Variants in MAP4 observed in about 807,000 individuals in gnomAD.
MAP4 encodes the protein microtubule-associated protein 4.
MAP4 carries 76 observed loss-of-function variants against 170.2 expected under a neutral mutation model. The observed-to-expected ratio is 0.45, with a 90% CI of 0.37 to 0.54. The LOEUF (loss-of-function observed/expected upper bound fraction) is 0.54, where lower values mean the gene tolerates loss of function less well. Among genes scored for constraint, MAP4 ranks in the 20% least tolerant of loss-of-function variants. The pLI is 0.00. For missense variants in MAP4, 2,506 were observed against 2,748.0 expected (o/e 0.91, Z 1.97); for synonymous variants, 909 against 994.5 (o/e 0.91, Z 1.62).
intron 2 of MAP4, among the ~76,000 whole-genome samples, chr3:47,979,313 C>A (rs998939431): frequency 6.6e-6 from 1 of 151,990 alleles, no homozygotes; most frequent in Non-Finnish European, 1.5e-5. Context: ...AAAAAGTCAT[C>A]TGCATTCTAT....
chr3:47,998,867 C>T lies in MAP4; in HGVS notation c.-7G>A, dbSNP rs1253623406. ...CAAGACTGAGGTCAGCCATTCTGCA[C>T]CACTGCAACTGCCTGGTGAAGAGGA... On this transcript the variant is annotated 5_prime_UTR_variant, in exon 2 of 21. In the 5' UTR this introduces an upstream ATG that the reference lacks. Coordinates refer to ENST00000683076, the MANE Select transcript of MAP4 (RefSeq NM_001385682.1). 1 of 1,594,200 alleles carries T rather than the reference C, an allele frequency of 6.3e-7. No homozygotes were observed. Among genetic ancestry groups the T allele is most frequent in the Admixed American group, 1.7e-5 (1 of 59,994 alleles).
intron 9 of MAP4, among the ~76,000 whole-genome samples, chr3:47,907,331 G>A (rs910908198): frequency 7.2e-5 from 11 of 152,118 alleles, no homozygotes; most frequent in African/African-American, 9.7e-5. Context: ...GCTGGAAGGC[G>A]GTTAATGGAG....
chr3:48,018,319 G>A (rs576801891), upstream of MAP4, among the ~76,000 whole-genome samples: 1 of 152,286 alleles, frequency 6.6e-6, no homozygotes, highest in East Asian at 1.9e-4. Context: ...CTACAGAGGA[G>A]ACAGGCCAAA....
intron 1 of MAP4, among the ~76,000 whole-genome samples, chr3:48,073,252 T>TACACACAC (rs35163339): frequency 3.0e-5 from 4 of 134,478 alleles, no homozygotes; most frequent in South Asian, 2.6e-4. Context: ...TCCAAAGGAA[T>TACACACAC]ACACACACAC....
chr3:48,030,414 GA>G (rs2154515771), intron 1 of MAP4, among the ~76,000 whole-genome samples: 1 of 151,008 alleles, frequency 6.6e-6, no homozygotes, highest in East Asian at 2.0e-4. Flanking sequence ...CTAGGACTGA[GA>G]ACAAAATATT....
Position 47,852,684 on chromosome 3 carries a change from G to A in MAP4, c.*250C>T. ...AAGCAGGGAGATGGGCCCAGGCTGGGGAGTGAGAGGAGGTGTGGGGCAGGG... is the reference window on the plus strand; with the variant it reads ...AAGCAGGGAGATGGGCCCAGGCTGGAGAGTGAGAGGAGGTGTGGGGCAGGG... On this transcript the variant is annotated 3_prime_UTR_variant, in exon 21 of 21. Transcript: ENST00000683076. 1 of 1,401,006 alleles carries A rather than the reference G, an allele frequency of 7.1e-7. No individual in the cohort carries two copies. The allele number at this position is 1,401,006 out of a possible 1,614,324, so 86.8% of individuals were successfully genotyped here.
chr3:47,916,652 G>A lies in MAP4; in HGVS notation c.1175C>T (p.Pro392Leu). The A allele has an allele frequency of 6.2e-7, 1 of 1,614,158 alleles. No homozygotes were observed. The highest frequency in any genetic ancestry group is 2.2e-5 in the East Asian group (1 of 44,888). The part of the protein sequence containing the change: ...RASPIKMDLA[P>L]SKDMGPPKEN... ...TTTGGGTGGTCCCATGTCCTTGGAA[G>A]GAGCCAAGTCCATTTTTATAGGAGA... The change falls in exon 7 of 21, where the codon CCT (proline) becomes CTT (leucine). Residue 392 changes from proline (P) to leucine (L), a missense_variant. Pro to Leu is a moderately conservative substitution (Grantham distance 98, BLOSUM62 -3). Coordinates refer to ENST00000683076, the MANE Select transcript of MAP4 (RefSeq NM_001385682.1).
At chr3:48,072,328 G>A (rs1449197514) in intron 1 of MAP4, among the ~76,000 whole-genome samples, 1 of 152,010 alleles carries the variant, frequency 6.6e-6, no homozygotes, top group Non-Finnish European at 1.5e-5. Flanking sequence ...TGGCCAACAT[G>A]GCAAAACTGC....
chr3:47,882,018 G>A (rs2096850625), intron 10 of MAP4, among the ~76,000 whole-genome samples: 1 of 152,190 alleles, frequency 6.6e-6, no homozygotes, highest in Admixed American at 6.5e-5. Context: ...GCTCACGCCT[G>A]TAATCCATTC....
chr3:47,857,783 G>A (rs919885016), intron 17 of MAP4, among the ~76,000 whole-genome samples: 2 of 151,122 alleles, frequency 1.3e-5, no homozygotes, highest in African/African-American at 2.4e-5. Flanking sequence ...ATCTCAGCTC[G>A]CTATAACCTC....
At chr3:47,937,656 C>CTTTTTTTTTTT (rs71070243) in intron 3 of MAP4, among the ~76,000 whole-genome samples, 6 of 107,928 alleles carry the variant, frequency 5.6e-5, no homozygotes, top group Non-Finnish European at 1.1e-4. Flanking sequence ...TTTTCTTCTT[C>CTTTTTTTTTTT]TTTTTTTTTT....
chr3:47,918,933 TTTG>T, intron 5 of MAP4, 92 bp from the exon 6 acceptor site: 3 of 1,181,556 alleles, frequency 2.5e-6, no homozygotes, highest in East Asian at 2.7e-5. Context: ...TTTTGTTTTG[TTTG>T]TTTTTTTTTT....
At chr3:47,969,769 C>CAAG (rs1400695494) in intron 3 of MAP4, among the ~76,000 whole-genome samples, 3 of 150,448 alleles carry the variant, frequency 2.0e-5, no homozygotes, top group African/African-American at 7.3e-5. Flanking sequence ...TCCAGAAGTA[C>CAAG]AAGAGTGTTA....
At chr3:47,992,272 T>C (rs1490654926) in intron 2 of MAP4, among the ~76,000 whole-genome samples, 1 of 152,208 alleles carries the variant, frequency 6.6e-6, no homozygotes, top group East Asian at 1.9e-4. Context: ...ACCAGATTTC[T>C]ACAAGACTAA....
chr3:47,919,863 C>T (rs1371613580), intron 5 of MAP4, among the ~76,000 whole-genome samples: 1 of 152,156 alleles, frequency 6.6e-6, no homozygotes, highest in Non-Finnish European at 1.5e-5. Flanking sequence ...ATGAGATTAA[C>T]ACCTCCCTTT....
In MAP4 at chr3:47,998,814, T is replaced by A. The variant is rs1377302299; in HGVS notation, c.47A>T (p.Asp16Val). Residue 16 changes from aspartate (D) to valine (V), a missense_variant, in exon 2 of 21, where the codon GAC becomes GTC. Physicochemically the swap from Asp to Val is radical, Grantham distance 152. This residue lies in a region of MAP4 where 2,008 missense variants were observed against 2,206.0 expected (regional missense o/e 0.91). Coordinates refer to ENST00000683076, the MANE Select transcript of MAP4 (RefSeq NM_001385682.1). Reference protein sequence around the residue: ...LADALTEPSPDIEGEIKRDFI... With the variant: ...LADALTEPSPVIEGEIKRDFI... ...GTCCCGCTTTATCTCTCCCTCAATG[T>A]CTGGAGATGGTTCTGTTAATGCATC... The A allele has an allele frequency of 6.2e-7, 1 of 1,614,172 alleles. No homozygotes were observed. Among genetic ancestry groups the A allele is most frequent in the African/African-American group, 1.3e-5 (1 of 75,044 alleles).
intron 1 of MAP4, among the ~76,000 whole-genome samples, chr3:48,082,403 C>A (rs570138787): frequency 6.6e-6 from 1 of 152,284 alleles, no homozygotes; most frequent in Non-Finnish European, 1.5e-5. Flanking sequence ...ATTCCCTTCC[C>A]CCAGAATATG....
chr3:47,918,899 G>A (rs2100041175), intron 5 of MAP4, 58 bp from the exon 6 acceptor site: 4 of 1,450,504 alleles, frequency 2.8e-6, no homozygotes, highest in Admixed American at 1.9e-5. Flanking sequence ...GGAAACAAAA[G>A]GTATTTGATA....
chr3:47,946,868 C>A (rs1051641240), intron 3 of MAP4, among the ~76,000 whole-genome samples: 1 of 151,872 alleles, frequency 6.6e-6, no homozygotes, highest in Non-Finnish European at 1.5e-5. Flanking sequence ...TTAAATTATG[C>A]CAGAAATTTA....
Sources: allele counts gnomAD v4.1 joint callset (sites outside exome capture counted in the v4.1 genomes callset), GRCh38; gene constraint gnomAD v4.1.1; regional missense constraint gnomAD v4.1.1; transcripts MANE v1.5; gene names NCBI Gene and HGNC (gene_info 2026-07-23, HGNC 2026-07-21).